Variants in CECR2 observed in about 807,000 individuals in gnomAD.
The protein encoded by CECR2 is chromatin remodeling regulator CECR2.
In CECR2, 30 loss-of-function variants were observed where a neutral mutation model predicts 154.5. That is an observed-to-expected ratio of 0.19 (90% CI 0.15 to 0.26). The LOEUF is 0.26. CECR2 is among the 10% of genes least tolerant of loss of function. CECR2 has a pLI of 1.00. For missense variants in CECR2, 1,743 were observed against 1,829.3 expected, an observed-to-expected ratio of 0.95 and a Z score of 0.86; for synonymous variants, 725 against 683.7, an observed-to-expected ratio of 1.06 and a Z score of -0.94.
intron 1 of CECR2, among the ~76,000 whole-genome samples, chr22:17,449,483 CTTTTTTT>C (rs35473694): frequency 1.4e-5 from 1 of 71,462 alleles, no homozygotes; most frequent in East Asian, 4.5e-4. Context: ...GTAACCAGTT[CTTTTTTT>C]TTTTTTTTTT....
intron 2 of CECR2, among the ~76,000 whole-genome samples, chr22:17,480,419 TACAC>T (rs55977287): frequency 0.11 from 14,816 of 137,336 alleles, 824 homozygotes; most frequent in Non-Finnish European, 0.14. Flanking sequence ...TCATGTATAA[TACAC>T]ACACACACAC....
At chr22:17,488,742 C>T (rs1459146810) in intron 2 of CECR2, among the ~76,000 whole-genome samples, 4 of 152,068 alleles carry the variant, frequency 2.6e-5, no homozygotes, top group African/African-American at 9.7e-5. Context: ...CCAGTTGGAG[C>T]CTATTATGAA....
intron 16 of CECR2, among the ~76,000 whole-genome samples, chr22:17,543,710 C>T (rs2056567113): frequency 6.6e-6 from 1 of 151,904 alleles, no homozygotes; most frequent in East Asian, 1.9e-4. Context: ...CAGATGCATG[C>T]CACCACACCC....
chr22:17,431,395 T>C (rs12628286), intron 1 of CECR2, among the ~76,000 whole-genome samples: 4,848 of 152,346 alleles, frequency 0.032, 202 homozygotes, highest in East Asian at 0.23. Flanking sequence ...TGAGTCATAG[T>C]GCCTGACACA....
rs376587123 is a variant in CECR2, at chr22:17,511,734, G to A, written c.871-79G>A. ...CCTCATTGGCCACTTTTTTACTGGC[G>A]GCAGCAGCAGCAGCAGCATCAGTAG... On this transcript the variant is annotated intron_variant, in intron 7 of 18. Transcript: ENST00000262608. 1,798 of 1,257,386 alleles carry A rather than the reference G, an allele frequency of 1.4e-3. 3 individuals are homozygous for A. Among genetic ancestry groups the A allele is most frequent in the African/African-American group, 2.2e-3 (145 of 67,302 alleles). 77.9% of individuals were successfully genotyped at this position (1,257,386 alleles called of 1,614,324 possible).
chr22:17,413,417 C>T (rs1226848093), intron 1 of CECR2, among the ~76,000 whole-genome samples: 2 of 152,082 alleles, frequency 1.3e-5, no homozygotes, highest in Admixed American at 1.3e-4. Flanking sequence ...TGTGTCTTGG[C>T]CGTGATTACC....
intron 9 of CECR2, among the ~76,000 whole-genome samples, chr22:17,535,122 G>A (rs1316835873): frequency 6.6e-6 from 1 of 151,930 alleles, no homozygotes; most frequent in African/African-American, 2.4e-5. Flanking sequence ...CTGCACTCCA[G>A]CCTGAGCGAC....
At chr22:17,385,934 T>C (rs575356742) in intron 1 of CECR2, among the ~76,000 whole-genome samples, 3 of 152,114 alleles carry the variant, frequency 2.0e-5, no homozygotes, top group Non-Finnish European at 4.4e-5. Flanking sequence ...TGGGAGCATG[T>C]GATGAAGGTT....
chr22:17,405,592 A>G (rs1037366951), intron 1 of CECR2, among the ~76,000 whole-genome samples: 1 of 146,648 alleles, frequency 6.8e-6, no homozygotes, highest in Non-Finnish European at 1.5e-5. Flanking sequence ...GTGAGCCGAG[A>G]TCGTGCCACT....
intron 14 of CECR2, among the ~76,000 whole-genome samples, chr22:17,541,452 G>GA (rs890003895): frequency 1.1e-3 from 168 of 149,956 alleles, no homozygotes; most frequent in African/African-American, 3.8e-3. Flanking sequence ...CTCAAAAAAA[G>GA]AAAAAAAAAT....
chr22:17,483,045 C>T (rs1318523114), intron 2 of CECR2, among the ~76,000 whole-genome samples: 1 of 152,056 alleles, frequency 6.6e-6, no homozygotes, highest in Admixed American at 6.6e-5. Flanking sequence ...GAAGAGATTC[C>T]AGAAGAAGGC....
intron 2 of CECR2, among the ~76,000 whole-genome samples, chr22:17,483,843 C>T (rs2055372535): frequency 6.6e-6 from 1 of 152,146 alleles, no homozygotes; most frequent in African/African-American, 2.4e-5. Flanking sequence ...TACTGATTCA[C>T]CCAGAGCAAC....
chr22:17,491,180 T>C (rs1236815183), intron 2 of CECR2, among the ~76,000 whole-genome samples: 2 of 152,212 alleles, frequency 1.3e-5, no homozygotes, highest in Non-Finnish European at 1.5e-5. Flanking sequence ...TGAACATTTG[T>C]GCGCAAGTCT....
At chr22:17,401,172 G>A (rs1461163468) in intron 1 of CECR2, among the ~76,000 whole-genome samples, 1 of 151,986 alleles carries the variant, frequency 6.6e-6, no homozygotes, top group Non-Finnish European at 1.5e-5. Flanking sequence ...TGTTCCAGAG[G>A]TGAGGAGGGA....
intron 16 of CECR2, among the ~76,000 whole-genome samples, chr22:17,545,255 A>AT (rs2056592789): frequency 1.3e-5 from 2 of 149,900 alleles, no homozygotes; most frequent in Admixed American, 6.7e-5. Flanking sequence ...GAGGCCTGTA[A>AT]GTTCAGCTAC....
At chr22:17,461,385 C>T (rs1304376419) in intron 1 of CECR2, among the ~76,000 whole-genome samples, 1 of 152,146 alleles carries the variant, frequency 6.6e-6, no homozygotes, top group Non-Finnish European at 1.5e-5. Flanking sequence ...AAGTCCCATT[C>T]TCTTTCAAGT....
intron 1 of CECR2, among the ~76,000 whole-genome samples, chr22:17,449,917 T>C (rs1234708573): frequency 1.3e-5 from 2 of 152,184 alleles, no homozygotes; most frequent in East Asian, 3.8e-4. Flanking sequence ...GGGCACTGAG[T>C]GATGCTTCCT....
chr22:17,370,261 C>G (rs1457667340), intron 1 of CECR2, among the ~76,000 whole-genome samples: 1 of 147,886 alleles, frequency 6.8e-6, no homozygotes, highest in African/African-American at 2.5e-5. Flanking sequence ...GAGGGCTGCG[C>G]GCGCTCGCCG....
rs1244171757 is a variant in CECR2, at chr22:17,542,431, A to G, written c.2288A>G (p.Tyr763Cys). 2 of 1,613,908 alleles carry G rather than the reference A, an allele frequency of 1.2e-6. No individual in the cohort carries two copies. The highest frequency in any genetic ancestry group is 1.7e-6 in the Non-Finnish European group (2 of 1,179,880). The change falls in exon 16 of 19, where the codon TAC becomes TGC. Residue 763 changes from tyrosine to cysteine, a missense_variant. Physicochemically the swap from Tyr to Cys is radical, Grantham distance 194. This residue lies in a region of CECR2 where 1,250 missense variants were observed against 1,192.1 expected (regional missense o/e 1.05). Transcript: ENST00000262608. ...CCTCCCAGCCATATGTATCGATCGT[A>G]CAAGTACCTGAATCGAGTACACTCT... ...EIPPSHMYRS[Y>C]KYLNRVHSAV...
Sources: gnomAD v4.1 joint callset for allele counts (sites outside exome capture counted in the v4.1 genomes callset) on GRCh38, gnomAD v4.1.1 for gene constraint, gnomAD v4.1.1 regional missense constraint, MANE v1.5 for transcripts, NCBI Gene and HGNC (gene_info 2026-07-23, HGNC 2026-07-21) for gene names.